The following TMEM117 variants were observed in gnomAD, a reference collection of about 807,000 sequenced individuals.
The protein encoded by TMEM117 is transmembrane protein 117.
TMEM117 carries 27 observed loss-of-function variants against 52.4 expected under a neutral mutation model. That is an observed-to-expected ratio of 0.51 (90% confidence interval 0.38 to 0.71). The LOEUF is 0.71. Among genes scored for constraint, TMEM117 ranks in the 30% least tolerant of loss-of-function variants. The pLI is 0.00. For missense variants in TMEM117, 556 were observed against 630.5 expected, an observed-to-expected ratio of 0.88 and a Z score of 1.26; for synonymous variants, 215 against 206.3, an observed-to-expected ratio of 1.04 and a Z score of -0.36.
intron 6 of TMEM117, among the ~76,000 whole-genome samples, chr12:44,311,895 GTGTATA>G (rs1950994031): frequency 4.5e-5 from 6 of 132,462 alleles, no homozygotes; most frequent in African/African-American, 9.7e-5. Flanking sequence ...GTATATATAT[GTGTATA>G]TATATATGTG....
chr12:43,906,872 G>A (rs1408373068), intron 2 of TMEM117, among the ~76,000 whole-genome samples: 1 of 152,222 alleles, frequency 6.6e-6, no homozygotes, highest in Non-Finnish European at 1.5e-5. Context: ...CTGATTGCTA[G>A]CACAGCAGTC....
chr12:44,325,241 A>T (rs1951180139), intron 6 of TMEM117, among the ~76,000 whole-genome samples: 1 of 152,182 alleles, frequency 6.6e-6, no homozygotes, highest in Admixed American at 6.5e-5. Flanking sequence ...AGGGGACCTG[A>T]GATTTAAAAG....
chr12:44,220,631 T>C (rs1386663912), intron 5 of TMEM117, among the ~76,000 whole-genome samples: 1 of 152,066 alleles, frequency 6.6e-6, no homozygotes, highest in Non-Finnish European at 1.5e-5. Context: ...CATTCTCCAA[T>C]AAAAGGAACC....
chr12:43,844,541 A>G, intron 1 of TMEM117, 83 bp from the exon 2 acceptor site: 1 of 1,224,160 alleles, frequency 8.2e-7, no homozygotes, highest in Non-Finnish European at 1.1e-6. Flanking sequence ...TTTTTATGGA[A>G]CTGTTATAAA....
At chr12:44,143,410 G>A in intron 3 of TMEM117, 115 bp from the exon 4 acceptor site, 2 of 681,116 alleles carry the variant, frequency 2.9e-6, no homozygotes, top group Non-Finnish European at 4.9e-6. Flanking sequence ...GATGGGACAA[G>A]AGCCAGACAG....
At chr12:44,053,410 A>C (rs746252087) in intron 3 of TMEM117, among the ~76,000 whole-genome samples, 1 of 152,176 alleles carries the variant, frequency 6.6e-6, no homozygotes, top group Non-Finnish European at 1.5e-5. Flanking sequence ...GCCCTCTCCA[A>C]CTGGTCTTTC....
chr12:44,376,955 A>T lies in TMEM117; in HGVS notation c.898+231A>T, dbSNP rs1156832986. Among the ~76,000 whole-genome samples the T allele has an allele frequency of 2.6e-5, 4 of 152,326 alleles. No homozygotes were observed. In the East Asian group the frequency reaches 7.7e-4, roughly 29 times the overall value. ...TTCAGTGTTAGCATCCAGCAGGCAGATGGAAATACAGAGAATGGGGAAAGT... is the reference window on the plus strand; with the variant it reads ...TTCAGTGTTAGCATCCAGCAGGCAGTTGGAAATACAGAGAATGGGGAAAGT... On this transcript the variant is annotated intron_variant, in intron 7 of 7. Coordinates refer to ENST00000266534, the MANE Select transcript of TMEM117 (RefSeq NM_032256.3).
chr12:44,122,537 A>G (rs1948254607), intron 3 of TMEM117, among the ~76,000 whole-genome samples: 2 of 152,056 alleles, frequency 1.3e-5, no homozygotes, highest in Non-Finnish European at 2.9e-5. Flanking sequence ...TCCATTAGCT[A>G]TTCTTCTTGA....
chr12:44,127,425 C>T (rs911120653), intron 3 of TMEM117, among the ~76,000 whole-genome samples: 3 of 151,734 alleles, frequency 2.0e-5, no homozygotes, highest in Non-Finnish European at 4.4e-5. Context: ...GCCTGTTACA[C>T]CAGAACTTTG....
At chr12:44,103,623 A>G (rs575516873) in intron 3 of TMEM117, among the ~76,000 whole-genome samples, 1 of 151,864 alleles carries the variant, frequency 6.6e-6, no homozygotes, top group East Asian at 1.9e-4. Context: ...GGCAGATTTC[A>G]TCATTTACTG....
At chr12:43,841,742 G>C (rs950980859) in intron 1 of TMEM117, among the ~76,000 whole-genome samples, 1 of 152,188 alleles carries the variant, frequency 6.6e-6, no homozygotes, top group African/African-American at 2.4e-5. Context: ...GTCAGCCTCA[G>C]AGGCTCAGAT....
At chr12:44,240,701 C>T (rs1343442179) in intron 5 of TMEM117, among the ~76,000 whole-genome samples, 1 of 152,000 alleles carries the variant, frequency 6.6e-6, no homozygotes, top group African/African-American at 2.4e-5. Flanking sequence ...CAACCCTTTT[C>T]ATTTAATGAT....
At chr12:44,230,955 A>G (rs1303184967) in intron 5 of TMEM117, among the ~76,000 whole-genome samples, 1 of 152,036 alleles carries the variant, frequency 6.6e-6, no homozygotes, top group Admixed American at 6.6e-5. Flanking sequence ...ACACATACAC[A>G]CATACACACA....
At chr12:43,920,843 T>C (rs1944682263) in intron 2 of TMEM117, among the ~76,000 whole-genome samples, 2 of 152,152 alleles carry the variant, frequency 1.3e-5, no homozygotes, top group Admixed American at 1.3e-4. Flanking sequence ...AGTTATTTGT[T>C]ATGCTCAAAA....
the TMEM117 span, among the ~76,000 whole-genome samples, chr12:44,397,876 A>G: frequency 6.6e-6 from 1 of 152,160 alleles, no homozygotes; most frequent in Non-Finnish European, 1.5e-5. Context: ...AGGATTCTAC[A>G]CAGAGTGACA....
intron 2 of TMEM117, among the ~76,000 whole-genome samples, chr12:43,882,122 A>G (rs149406364): frequency 8.5e-4 from 129 of 152,208 alleles, no homozygotes; most frequent in African/African-American, 2.4e-3. Context: ...GACTTTAAAA[A>G]TGTACTTACT....
At chr12:44,003,245 G>T (rs551288129) in intron 3 of TMEM117, among the ~76,000 whole-genome samples, 5 of 152,172 alleles carry the variant, frequency 3.3e-5, no homozygotes, top group Admixed American at 3.3e-4. Context: ...TGGGAGTGGA[G>T]AAAAACCTAG....
At chr12:44,200,619 A>G (rs1949482905) in intron 4 of TMEM117, among the ~76,000 whole-genome samples, 3 of 152,224 alleles carry the variant, frequency 2.0e-5, no homozygotes, top group Non-Finnish European at 1.5e-5. Context: ...AGTTTTGGCA[A>G]TCAACCAAAA....
chr12:44,276,962 GC>G, intron 5 of TMEM117, among the ~76,000 whole-genome samples: 1 of 151,088 alleles, frequency 6.6e-6, no homozygotes. Context: ...ATCTTCTAAG[GC>G]TGTGGTGGTT....
Sources: allele counts gnomAD v4.1 joint callset (sites outside exome capture counted in the v4.1 genomes callset), GRCh38; gene constraint gnomAD v4.1.1; transcripts MANE v1.5; gene names NCBI Gene and HGNC (gene_info 2026-07-23, HGNC 2026-07-21).